Variants in RBBP6 observed in about 807,000 individuals in gnomAD.
RBBP6 encodes E3 ubiquitin-protein ligase RBBP6.
A neutral mutation model predicts 167.7 loss-of-function variants in RBBP6; 25 were observed. That is an observed-to-expected ratio of 0.15 (90% confidence interval 0.11 to 0.21). The LOEUF is 0.21. RBBP6 is among the 10% of genes least tolerant of loss of function. RBBP6 has a pLI of 1.00. For missense variants in RBBP6, 1,868 were observed against 2,134.2 expected, an observed-to-expected ratio of 0.88 and a Z score of 2.46; for synonymous variants, 789 against 735.8, an observed-to-expected ratio of 1.07 and a Z score of -1.17.
chr16:24,552,664 C>G (rs545132459), intron 3 of RBBP6, among the ~76,000 whole-genome samples: 2 of 151,818 alleles, frequency 1.3e-5, no homozygotes, highest in South Asian at 2.1e-4. Context: ...GAAGGTGGCT[C>G]TCTCCTGACT....
rs1247123978 is a variant in RBBP6 at position 24,553,724 on chromosome 16, G to C, written c.348+167G>C. 3 of 418,974 alleles carry C rather than the reference G, an allele frequency of 7.2e-6. No individual in the cohort carries two copies. The East Asian group carries it at 1.1e-4, about 15-fold the overall frequency. 26.0% of individuals were successfully genotyped at this position (418,974 alleles called of 1,614,324 possible). A position where few individuals can be genotyped will look rare whatever the true frequency, so the allele number is the denominator to read the frequency against. ...TAGTTGCTGTTTTGAGAAGATAGGG[G>C]AATACTTTGTCAGCCTCAGCGTATT... On this transcript the variant is annotated intron_variant, in intron 4 of 17. Transcript: ENST00000319715.
At chr16:24,559,706 A>G (rs767560774) in intron 8 of RBBP6, 29 bp downstream of exon 8, 12 of 1,480,496 alleles carry the variant, frequency 8.1e-6, no homozygotes, top group East Asian at 2.5e-5. Flanking sequence ...TGGAAGATGT[A>G]TATTTTAGAA....
At chr16:24,565,363 A>G (rs1172449016) in intron 14 of RBBP6, among the ~76,000 whole-genome samples, 1 of 152,204 alleles carries the variant, frequency 6.6e-6, no homozygotes, top group African/African-American at 2.4e-5. Context: ...TACAAGCAAT[A>G]TTAATCTAAG....
intron 4 of RBBP6, 80 bp downstream of exon 4, chr16:24,553,637 G>C: frequency 8.6e-7 from 1 of 1,163,048 alleles, no homozygotes; most frequent in Non-Finnish European, 1.2e-6. Flanking sequence ...TTTTTTAAGA[G>C]GGGTTGGGGG....
chr16:24,572,709 T>G lies in RBBP6; in HGVS notation c.*264T>G, dbSNP rs1450496728. The G allele has an allele frequency of 3.1e-6, 1 of 317,704 alleles. No individual in the cohort carries two copies. The highest frequency in any genetic ancestry group is 5.6e-6 in the Non-Finnish European group (1 of 178,828). 19.7% of individuals were successfully genotyped at this position (317,704 alleles called of 1,614,324 possible). On this transcript the variant is annotated 3_prime_UTR_variant, in exon 18 of 18. Transcript: ENST00000319715. ...ACCATTAATTAGTTGGGGTGGAGTT[T>G]ACTGTAATGTGAAATTTTCACATTT...
intron 14 of RBBP6, among the ~76,000 whole-genome samples, chr16:24,566,380 C>T (rs996850255): frequency 2.0e-5 from 3 of 152,222 alleles, no homozygotes; most frequent in Admixed American, 1.3e-4. Flanking sequence ...GAAGTTAAAA[C>T]TAGAATTTAT....
Position 24,572,304 on chromosome 16 carries a change from G to A in RBBP6, c.5238G>A (p.Lys1746=). ...ACAAGAAACATAAAAAGCATAAGAAGCATAAGAAACATGCAGGCACTGAAG... is the reference window on the plus strand; with the variant it reads ...ACAAGAAACATAAAAAGCATAAGAAACATAAGAAACATGCAGGCACTGAAG... ...KKHKKHKKHK[K]HKKHAGTEVE... Residue 1746 remains lysine (K), a synonymous_variant, in exon 18 of 18, where the codon AAG becomes AAA. Coordinates refer to ENST00000319715, the MANE Select transcript of RBBP6 (RefSeq NM_006910.5). 2 of 1,583,766 alleles carry A rather than the reference G, an allele frequency of 1.3e-6. No homozygotes were observed. The highest frequency in any genetic ancestry group is 1.7e-6 in the Non-Finnish European group (2 of 1,164,540).
rs1228665528 is a variant in RBBP6 at position 24,555,601 on chromosome 16, T to TA, written c.349-13dup. 1 of 1,592,932 alleles carries TA rather than the reference T, an allele frequency of 6.3e-7. No homozygotes were observed. The highest frequency in any genetic ancestry group is 1.4e-5 in the African/African-American group (1 of 73,728). On this transcript the variant is annotated splice_polypyrimidine_tract_variant and intron_variant, in intron 4 of 17. Coordinates refer to ENST00000319715, the MANE Select transcript of RBBP6 (RefSeq NM_006910.5). Reference sequence around the variant, plus strand: ...GTTTCTAATGTGTGTGTCAAATAATTACCTGTTAAACAGACTGCCAATCTG... The same window carrying TA: ...GTTTCTAATGTGTGTGTCAAATAATTAACCTGTTAAACAGACTGCCAATCTG...
chr16:24,558,544 T>C (rs780928665), intron 7 of RBBP6: 90 of 919,092 alleles, frequency 9.8e-5, no homozygotes, highest in Non-Finnish European at 1.1e-4. Flanking sequence ...GGTACCCTAC[T>C]CTGTACAGCC....
intron 12 of RBBP6, 33 bp downstream of exon 12, chr16:24,563,534 C>G (rs757360883): frequency 6.2e-7 from 1 of 1,611,222 alleles, no homozygotes; most frequent in Non-Finnish European, 8.5e-7. Context: ...AGACCTTTTT[C>G]CCTTTAAAAA....
chr16:24,570,025 A>G lies in RBBP6; in HGVS notation c.3335A>G (p.Lys1112Arg), dbSNP rs1231487839. ...CCAGTCAAAGAGGAAAAAGTGAAGA[A>G]GGACTATTCCAAAGATGTCAAATCA... ...TKPVKEEKVKKDYSKDVKSEK... is the reference protein window; with the variant it reads ...TKPVKEEKVKRDYSKDVKSEK... Residue 1112 changes from lysine (K) to arginine (R), a missense_variant, in exon 17 of 18, where the codon AAG (lysine) becomes AGG (arginine). By Grantham distance (26) the Lys-to-Arg change is conservative. Coordinates refer to ENST00000319715, the MANE Select transcript of RBBP6 (RefSeq NM_006910.5). 5 of 1,604,800 alleles carry G rather than the reference A, an allele frequency of 3.1e-6. No individual in the cohort carries two copies. Among genetic ancestry groups the G allele is most frequent in the Admixed American group, 1.7e-5 (1 of 57,420 alleles).
At position 24,551,304 on chromosome 16, in the gene RBBP6, T is replaced by C. The variant is rs1991475; in HGVS notation, c.304-2209T>C. ...TGTGAGGACTTTAAGTGGCAGACTT[T>C]TTTTTACCATTAGTATCTTACCAAG... On this transcript the variant is annotated intron_variant, in intron 3 of 17. Transcript: ENST00000319715. 6.9e-3 allele frequency among the ~76,000 whole-genome samples: 1,051 copies of C among 151,996 alleles called. 9 individuals carry two copies. The highest frequency in any genetic ancestry group is 0.024 in the African/African-American group (1,009 of 41,564).
intron 13 of RBBP6, 46 bp downstream of exon 13, chr16:24,563,710 A>G (rs1319381107): frequency 6.4e-7 from 1 of 1,573,792 alleles, no homozygotes; most frequent in African/African-American, 1.4e-5. Context: ...CCTGCAAACT[A>G]GATAATGGAA....
chr16:24,548,649 A>G (rs916580940), intron 2 of RBBP6, among the ~76,000 whole-genome samples: 6 of 152,218 alleles, frequency 3.9e-5, no homozygotes. Flanking sequence ...GTTTCTAAAC[A>G]TAAAATCCCT....
intron 4 of RBBP6, chr16:24,555,174 C>G (rs1450461801): frequency 6.5e-6 from 1 of 153,324 alleles, no homozygotes; most frequent in African/African-American, 2.4e-5. Context: ...ACATCACTAC[C>G]TAAAGAGCCT....
At chr16:24,563,948 G>C (rs1899134270) in intron 13 of RBBP6, among the ~76,000 whole-genome samples, 1 of 151,986 alleles carries the variant, frequency 6.6e-6, no homozygotes, top group South Asian at 2.1e-4. Flanking sequence ...CAGGACTTCA[G>C]TTTAATGAAT....
At position 24,571,577 on chromosome 16, in the gene RBBP6, A is replaced by G; in HGVS notation, c.4511A>G (p.Asn1504Ser). The change falls in exon 18 of 18, where the codon AAT (asparagine) becomes AGT (serine). Residue 1504 changes from asparagine to serine, a missense_variant. Around this residue, in one of 7 missense-constraint regions of RBBP6, gnomAD observed 591 missense variants for 540.5 expected, o/e 1.09. Coordinates refer to ENST00000319715, the MANE Select transcript of RBBP6 (RefSeq NM_006910.5). ...AGACGAAAAGACTCTCCTTCTCGGA[A>G]TAAAGATTCTGCATCTGGACAGAAA... ...LTRRKDSPSR[N>S]KDSASGQKNK... 2 of 1,612,582 alleles carry G rather than the reference A, an allele frequency of 1.2e-6. No individual in the cohort carries two copies. Among genetic ancestry groups the G allele is most frequent in the South Asian group, 2.2e-5 (2 of 90,538 alleles).
chr16:24,565,570 A>G (rs1899175007), intron 14 of RBBP6, among the ~76,000 whole-genome samples: 1 of 152,234 alleles, frequency 6.6e-6, no homozygotes, highest in African/African-American at 2.4e-5. Context: ...CCTGTTGTGA[A>G]CTGCGTGTGC....
intron 3 of RBBP6, among the ~76,000 whole-genome samples, chr16:24,550,371 G>GTT (rs397952875): frequency 0.15 from 20,113 of 134,140 alleles, 1,634 homozygotes; most frequent in East Asian, 0.27. Flanking sequence ...TTGTTTTTTT[G>GTT]TTTTTTTTTT....
Sources: gnomAD v4.1 joint callset for allele counts (sites outside exome capture counted in the v4.1 genomes callset) on GRCh38, gnomAD v4.1.1 for gene constraint, gnomAD v4.1.1 regional missense constraint, MANE v1.5 for transcripts, NCBI Gene and HGNC (gene_info 2026-07-23, HGNC 2026-07-21) for gene names.